The following ALDH2 variants were observed in gnomAD, a reference collection of about 807,000 sequenced individuals.
ALDH2 encodes the protein aldehyde dehydrogenase 2 family member, also known as aldehyde dehydrogenase, mitochondrial.
ALDH2 carries 44 observed loss-of-function variants against 59.6 expected under a neutral mutation model. That is an observed-to-expected ratio of 0.74 (90% CI 0.58 to 0.95). The LOEUF is 0.95. ALDH2 is among the 40% of genes least tolerant of loss of function. The pLI is 0.00. For missense variants in ALDH2, 570 were observed against 696.3 expected, an observed-to-expected ratio of 0.82 and a Z score of 2.04; for synonymous variants, 291 against 284.0, an observed-to-expected ratio of 1.02 and a Z score of -0.25.
rs2068342981 is a variant in ALDH2 at position 111,789,839 on chromosome 12, G to T, written c.457G>T (p.Ala153Ser). Reference protein sequence around the residue: ...LKCLRYYAGWADKYHGKTIPI... With the variant: ...LKCLRYYAGWSDKYHGKTIPI... The stretch of plus-strand genomic sequence containing the variant: ...TGTTTAAAGGTATTATGCCGGCTGG[G>T]CTGATAAGTACCACGGGAAAACCAT... The change falls in exon 5 of 13, where the codon GCT (alanine) becomes TCT (serine). Residue 153 changes from alanine (A) to serine (S), a missense_variant. Transcript: ENST00000261733. 6.2e-7 allele frequency: 1 copy of T among 1,614,034 alleles called. No homozygotes were observed. Among genetic ancestry groups the T allele is most frequent in the Non-Finnish European group, 8.5e-7 (1 of 1,179,994 alleles).
At chr12:111,767,198 G>C in intron 1 of ALDH2, 102 bp downstream of exon 1, 2 of 933,014 alleles carry the variant, frequency 2.1e-6, no homozygotes, top group African/African-American at 1.8e-5. Flanking sequence ...TACTCATCTG[G>C]GGCTCGAGGG....
chr12:111,778,886 T>G (rs796518530), intron 1 of ALDH2, among the ~76,000 whole-genome samples: 18 of 148,520 alleles, frequency 1.2e-4, no homozygotes, highest in African/African-American at 4.5e-4. Flanking sequence ...TTTTTAAGAG[T>G]CTTTTTCTGT....
At chr12:111,795,949 G>A (rs901051077) in intron 9 of ALDH2, among the ~76,000 whole-genome samples, 1 of 152,018 alleles carries the variant, frequency 6.6e-6, no homozygotes, top group Non-Finnish European at 1.5e-5. Flanking sequence ...ATATAAACTT[G>A]CATTAATAAA....
chr12:111,795,357 A>G (rs534551787), intron 9 of ALDH2, among the ~76,000 whole-genome samples: 1 of 152,202 alleles, frequency 6.6e-6, no homozygotes, highest in African/African-American at 2.4e-5. Flanking sequence ...ATCTCAGCTC[A>G]CTGCAACCTC....
chr12:111,773,359 A>T lies in ALDH2; in HGVS notation c.114+6263A>T, dbSNP rs1019452889. Among the ~76,000 whole-genome samples, 7 of 152,332 alleles carry T rather than the reference A, an allele frequency of 4.6e-5. No homozygotes were observed. The South Asian group carries it at 1.5e-3, about 32-fold the overall frequency. On this transcript the variant is annotated intron_variant, in intron 1 of 12. Transcript: ENST00000261733. ...CACTTGAGTTTCAGGTGACAGGGCT[A>T]TAATAATGTTTGTGCTCCTGAGGTC... is the stretch of plus-strand genomic sequence containing the variant.
At chr12:111,793,824 A>G (rs553221028) in intron 9 of ALDH2, among the ~76,000 whole-genome samples, 1 of 151,366 alleles carries the variant, frequency 6.6e-6, no homozygotes, top group South Asian at 2.1e-4. Flanking sequence ...GAGCTCGGGC[A>G]ATCTGCTGTC....
rs2068349082 is a variant in ALDH2 at position 111,790,455 on chromosome 12, C to T, written c.574C>T (p.Gln192Ter). ...IIPWNFPLLM[Q>*]AWKLGPALAT... ...GCAGTGGAATTTCCCGCTCCTGATGCAAGCATGGAAGCTGGGCCCAGCCTT... is the reference window on the plus strand; with the variant it reads ...GCAGTGGAATTTCCCGCTCCTGATGTAAGCATGGAAGCTGGGCCCAGCCTT... The change falls in exon 6 of 13, where the codon CAA becomes TAA. Residue 192 changes from glutamine to a stop codon, truncating the protein, a stop_gained. Transcript: ENST00000261733. LOFTEE classifies it high-confidence loss of function. 6.2e-7 allele frequency: 1 copy of T among 1,614,006 alleles called. No homozygotes were observed. The highest frequency in any genetic ancestry group is 8.5e-7 in the Non-Finnish European group (1 of 1,180,030).
chr12:111,806,502 C>T lies in ALDH2; in HGVS notation c.1521+2529C>T, dbSNP rs141407267. 6.8e-3 allele frequency among the ~76,000 whole-genome samples: 1,037 copies of T among 152,256 alleles called. 8 individuals carry two copies. Among genetic ancestry groups the T allele is most frequent in the African/African-American group, 0.024 (980 of 41,544 alleles). The stretch of plus-strand genomic sequence containing the variant: ...AAGAGGAGGCTCAGGGCAAGCCTGC[C>T]AGCTGTGGAGCAGGTGAGAAAAGGC... On this transcript the variant is annotated intron_variant, in intron 12 of 12. Transcript: ENST00000261733.
At chr12:111,786,691 G>A (rs1375487790) in intron 4 of ALDH2, among the ~76,000 whole-genome samples, 9 of 151,886 alleles carry the variant, frequency 5.9e-5, no homozygotes, top group Admixed American at 1.3e-4. Flanking sequence ...GACCACAGGC[G>A]TGCATCACCA....
In ALDH2 at chr12:111,785,354, C is replaced by T; in HGVS notation, c.440+8C>T. ...GGTCCTCAAATGTCTCCGGTATGGGCTCAGCTTTCCTGTTCTTTGTTCTGG... is the reference window on the plus strand; with the variant it reads ...GGTCCTCAAATGTCTCCGGTATGGGTTCAGCTTTCCTGTTCTTTGTTCTGG... On this transcript the variant is annotated splice_region_variant and intron_variant, in intron 4 of 12. Transcript: ENST00000261733. 6.2e-7 allele frequency: 1 copy of T among 1,609,718 alleles called. No individual in the cohort carries two copies. Among genetic ancestry groups the T allele is most frequent in the Non-Finnish European group, 8.5e-7 (1 of 1,176,026 alleles).
At chr12:111,774,582 A>G (rs2068221971) in intron 1 of ALDH2, among the ~76,000 whole-genome samples, 1 of 152,176 alleles carries the variant, frequency 6.6e-6, no homozygotes. Context: ...TCTAGAATGT[A>G]TCCTGCCTCC....
rs1183542052 is a variant in ALDH2, at chr12:111,810,448, A to G, written c.*873A>G. ...TTACTTTTTTATTTTAATTACACCA[A>G]TAAGAATGTGCTTGAATGTTTCATG... On this transcript the variant is annotated 3_prime_UTR_variant, in exon 13 of 13. Coordinates refer to ENST00000261733, the MANE Select transcript of ALDH2 (RefSeq NM_000690.4). 6.6e-6 allele frequency: 1 copy of G among 152,162 alleles called. No individual in the cohort carries two copies. Among genetic ancestry groups the G allele is most frequent in the African/African-American group, 2.4e-5 (1 of 41,422 alleles). The allele number at this position is 152,162 out of a possible 1,614,324, so 9.4% of individuals were successfully genotyped here.
intron 7 of ALDH2, 71 bp from the exon 8 acceptor site, chr12:111,791,990 C>G: frequency 2.1e-6 from 2 of 944,256 alleles, no homozygotes; most frequent in South Asian, 2.7e-5. Context: ...GGACTCTGTT[C>G]TGTGTCTATA....
At chr12:111,795,170 C>T (rs1157785220) in intron 9 of ALDH2, among the ~76,000 whole-genome samples, 2 of 152,140 alleles carry the variant, frequency 1.3e-5, no homozygotes, top group East Asian at 1.9e-4. Context: ...CATAAAAGGC[C>T]AAGTAATATT....
chr12:111,794,014 AT>A lies in ALDH2; in HGVS notation c.1083+1255del, dbSNP rs543884211. Among the ~76,000 whole-genome samples, 915 of 102,942 alleles carry A rather than the reference AT, an allele frequency of 8.9e-3. 4 individuals carry two copies. The highest frequency in any genetic ancestry group is 0.017 in the African/African-American group (476 of 27,290). The allele number at this position is 102,942 out of a possible 152,430, so 67.5% of individuals were successfully genotyped here. A position where few individuals can be genotyped will look rare whatever the true frequency, so the allele number is the denominator to read the frequency against. ...CCTGAGCCCTGGCAGGCAACCACTG[AT>A]TTTTTTTTTTTTTTTTTTTTTTGAG... On this transcript the variant is annotated intron_variant, in intron 9 of 12. Coordinates refer to ENST00000261733, the MANE Select transcript of ALDH2 (RefSeq NM_000690.4).
intron 2 of ALDH2, among the ~76,000 whole-genome samples, chr12:111,782,509 C>G (rs557222968): frequency 6.6e-6 from 1 of 151,904 alleles, no homozygotes; most frequent in African/African-American, 2.4e-5. Flanking sequence ...CACTTGAACC[C>G]AGGAATTTGA....
intron 1 of ALDH2, among the ~76,000 whole-genome samples, chr12:111,781,593 G>A (rs899830231): frequency 5.3e-5 from 8 of 152,234 alleles, no homozygotes; most frequent in Non-Finnish European, 8.8e-5. Flanking sequence ...GGACTCTACT[G>A]TGGGAGATAA....
chr12:111,804,554 C>T (rs1302961940), intron 12 of ALDH2, among the ~76,000 whole-genome samples: 1 of 152,052 alleles, frequency 6.6e-6, no homozygotes, highest in African/African-American at 2.4e-5. Flanking sequence ...TTGAGACCAG[C>T]CTGACCAACA....
At chr12:111,805,195 C>T (rs1380483185) in intron 12 of ALDH2, among the ~76,000 whole-genome samples, 2 of 152,052 alleles carry the variant, frequency 1.3e-5, no homozygotes, top group African/African-American at 4.8e-5. Flanking sequence ...TAGATAGATA[C>T]TCAGATACAT....
Sources: allele counts gnomAD v4.1 joint callset (sites outside exome capture counted in the v4.1 genomes callset), GRCh38; gene constraint gnomAD v4.1.1; transcripts MANE v1.5; gene names NCBI Gene and HGNC (gene_info 2026-07-23, HGNC 2026-07-21).